Variants in DPEP3 observed in about 807,000 individuals in gnomAD.
DPEP3 encodes membrane-bound dipeptidase 3.
Under a neutral mutation model 47.5 loss-of-function variants are expected in DPEP3, and 42 were observed. That is an observed-to-expected ratio of 0.88 (90% CI 0.69 to 1.14). The LOEUF (loss-of-function observed/expected upper bound fraction) is 1.14, where lower values mean the gene tolerates loss of function less well. Ranked by LOEUF, DPEP3 falls within the 50% of genes most tolerant of loss-of-function variation. The pLI, the probability that DPEP3 is intolerant of heterozygous loss-of-function variation, is 0.00. For synonymous variants in DPEP3, 276 were observed against 270.2 expected (o/e 1.02, Z -0.21); for missense variants, 560 against 635.0 (o/e 0.88, Z 1.27).
At chr16:67,979,796 G>T in intron 1 of DPEP3, 31 bp from the exon 2 acceptor site, 3 of 1,612,106 alleles carry the variant, frequency 1.9e-6, no homozygotes, top group Non-Finnish European at 2.5e-6. Context: ...TGGAAACACC[G>T]CCTCCAGATC....
Position 67,979,678 on chromosome 16 carries a change from G to T in DPEP3, c.375C>A (p.Thr125=). The stretch of plus-strand genomic sequence containing the variant: ...GGCCGTCTCTAAGCCTGTCCAGGCT[G>T]GTCTGACCATGGCTGAAATTTCGCA... ...VNLRNFSHGQ[T]SLDRLRDGLV... The change falls in exon 2 of 10, where the codon ACC becomes ACA. Residue 125 remains threonine (T), a synonymous_variant. Transcript: ENST00000268793. 1 of 1,614,136 alleles carries T rather than the reference G, an allele frequency of 6.2e-7. No homozygotes were observed.
rs550795310 is a variant in DPEP3 at position 67,977,937 on chromosome 16, C to T, written c.756+1G>A. On this transcript the variant is annotated splice_donor_variant, in intron 5 of 9. Coordinates refer to ENST00000268793, the MANE Select transcript of DPEP3 (RefSeq NM_001370198.1). LOFTEE classifies it high-confidence loss of function. ...TTGGGGTACAAAACAGGAGTCCTCA[C>T]CTCACCAAAGCTTGTCAATCCGCTG... 7.4e-6 allele frequency: 12 copies of T among 1,613,952 alleles called. No homozygotes were observed. In the East Asian group the frequency reaches 2.7e-4, roughly 36 times the overall value.
Position 67,978,269 on chromosome 16 carries a change from T to G in DPEP3, c.684A>C (p.Pro228=). The change falls in exon 4 of 10, where the codon CCA becomes CCC. Residue 228 remains proline, a splice_region_variant and synonymous_variant. Coordinates refer to ENST00000268793, the MANE Select transcript of DPEP3 (RefSeq NM_001370198.1). This position sits in a 1 kb window ranked among gnomAD's most constrained non-coding sequence, Gnocchi z 4.4. ...YLTLTFTCST[P]WAESSTKFRH... Reference sequence around the variant, plus strand: ...TCCTGGCCAGGTGTTATGCTCACCATGGTGTACTGCAGGTGAAGGTAAGTG... The same window carrying G: ...TCCTGGCCAGGTGTTATGCTCACCAGGGTGTACTGCAGGTGAAGGTAAGTG... 1 of 1,614,170 alleles carries G rather than the reference T, an allele frequency of 6.2e-7. No individual in the cohort carries two copies. Among genetic ancestry groups the G allele is most frequent in the Non-Finnish European group, 8.5e-7 (1 of 1,180,012 alleles).
rs2031206140 is a variant in DPEP3, at chr16:67,976,780, G to A, written c.1019-5C>T. 1 of 1,613,654 alleles carries A rather than the reference G, an allele frequency of 6.2e-7. No homozygotes were observed. Among genetic ancestry groups the A allele is most frequent in the Non-Finnish European group, 8.5e-7 (1 of 1,179,796 alleles). ...CCCTGATGTGGTCAAAGTGATCTAG[G>A]GTGGAGGTGAGGGTGGGCAGCACTA... is the stretch of plus-strand genomic sequence containing the variant. On this transcript the variant is annotated splice_region_variant and splice_polypyrimidine_tract_variant and intron_variant, in intron 7 of 9. Transcript: ENST00000268793.
intron 7 of DPEP3, 137 bp from the exon 8 acceptor site, chr16:67,976,912 G>A: frequency 1.4e-6 from 1 of 733,712 alleles, no homozygotes; most frequent in Non-Finnish European, 2.3e-6. Flanking sequence ...GCGGGTACAG[G>A]CTGGTCACTG....
At chr16:67,977,460 T>G (rs2031222137) in intron 6 of DPEP3, 106 bp from the exon 7 acceptor site, 6 of 1,315,694 alleles carry the variant, frequency 4.6e-6, no homozygotes, top group Non-Finnish European at 6.4e-6. Context: ...CTTCAGGGGT[T>G]GGAAGAGGCT....
At chr16:67,977,142 C>T (rs1050543473) in intron 7 of DPEP3, 128 bp downstream of exon 7, 13 of 767,698 alleles carry the variant, frequency 1.7e-5, no homozygotes, top group South Asian at 3.3e-5. Context: ...AGAGCTGTGT[C>T]TGCTGCCTCT....
Position 67,980,292 on chromosome 16 carries a change from CGCAGCA to C in DPEP3, c.83_88del (p.Leu28_Leu29del), listed in dbSNP as rs756554852. ...GGTCTCCGCGCGGGTTACGGGCTGC[CGCAGCA>C]GCAGCAGCAGTAGCAGGAGCAGCAG... is the stretch of plus-strand genomic sequence containing the variant. On this transcript the variant is annotated inframe_deletion, in exon 1 of 10. Transcript: ENST00000268793. 4 of 1,574,626 alleles carry C rather than the reference CGCAGCA, an allele frequency of 2.5e-6. No individual in the cohort carries two copies. In the East Asian group the frequency reaches 9.3e-5, roughly 37 times the overall value.
Position 67,978,526 on chromosome 16 carries a change from G to A in DPEP3, c.515C>T (p.Ser172Phe). ...DLIHRMCASYSELELVTSAEG... is the reference protein window; with the variant it reads ...DLIHRMCASYFELELVTSAEG... ...AGCTGAGGTCACAAGCTCGAGTTCA[G>A]AGTAGGAGGCACACATGCGGTGAAT... The change falls in exon 3 of 10, where the codon TCT (serine) becomes TTT (phenylalanine). Residue 172 changes from serine to phenylalanine, a missense_variant. Transcript: ENST00000268793. This position sits in a 1 kb window ranked among gnomAD's most constrained non-coding sequence, Gnocchi z 4.4. The A allele has an allele frequency of 1.9e-6, 3 of 1,614,132 alleles. No individual in the cohort carries two copies. The highest frequency in any genetic ancestry group is 2.5e-6 in the Non-Finnish European group (3 of 1,179,996).
At position 67,979,771 on chromosome 16, in the gene DPEP3, GGT is replaced by G; in HGVS notation, c.288-8_288-7del. The G allele has an allele frequency of 6.2e-7, 1 of 1,613,630 alleles. No individual in the cohort carries two copies. Among genetic ancestry groups the G allele is most frequent in the Non-Finnish European group, 8.5e-7 (1 of 1,179,800 alleles). On this transcript the variant is annotated splice_polypyrimidine_tract_variant and splice_region_variant and intron_variant, in intron 1 of 9. Coordinates refer to ENST00000268793, the MANE Select transcript of DPEP3 (RefSeq NM_001370198.1). ...CCTGGGGCAGGTCATTGTGGCTGGG[GGT>G]GTGAAGGTCAGATGGAAACACCGCC...
intron 6 of DPEP3, 107 bp from the exon 7 acceptor site, chr16:67,977,461 G>T: frequency 1.5e-6 from 2 of 1,313,148 alleles, no homozygotes; most frequent in Non-Finnish European, 1.1e-6. Context: ...TTCAGGGGTT[G>T]GAAGAGGCTT....
Position 67,978,114 on chromosome 16 carries a change from A to G in DPEP3, c.687-107T>C. ...ATCCTGCTTCCAGAACAGGTGCAGAACCAGCTGCTTTCTGGGATTGTGAGG... is the reference window on the plus strand; with the variant it reads ...ATCCTGCTTCCAGAACAGGTGCAGAGCCAGCTGCTTTCTGGGATTGTGAGG... On this transcript the variant is annotated intron_variant, in intron 4 of 9. Coordinates refer to ENST00000268793, the MANE Select transcript of DPEP3 (RefSeq NM_001370198.1). This position sits in a 1 kb window ranked among gnomAD's most constrained non-coding sequence, Gnocchi z 4.4. The G allele has an allele frequency of 1.9e-6, 3 of 1,574,172 alleles. No homozygotes were observed. Among genetic ancestry groups the G allele is most frequent in the South Asian group, 2.2e-5 (2 of 89,776 alleles).
chr16:67,977,872 G>C, intron 5 of DPEP3, 43 bp from the exon 6 acceptor site: 1 of 1,613,836 alleles, frequency 6.2e-7, no homozygotes. Context: ...GGGTGTTGGG[G>C]TGCAAAGGTG....
rs769592394 is a variant in DPEP3 at position 67,977,968 on chromosome 16, G to A, written c.726C>T (p.Thr242=). The A allele has an allele frequency of 1.2e-6, 2 of 1,613,854 alleles. No individual in the cohort carries two copies. Among genetic ancestry groups the A allele is most frequent in the Non-Finnish European group, 1.7e-6 (2 of 1,179,894 alleles). The part of the protein sequence containing the change: ...SSTKFRHHMY[T]NVSGLTSFGE... ...CAAAGCTTGTCAATCCGCTGACGTT[G>A]GTGTACATGTGGTGTCTGAACTTGG... Residue 242 remains threonine, a synonymous_variant, in exon 5 of 10, where the codon ACC becomes ACT. Coordinates refer to ENST00000268793, the MANE Select transcript of DPEP3 (RefSeq NM_001370198.1).
In DPEP3 at chr16:67,975,977, T is replaced by C. The variant is rs1298768900; in HGVS notation, c.1255A>G (p.Ser419Gly). The C allele has an allele frequency of 1.9e-6, 3 of 1,613,862 alleles. No individual in the cohort carries two copies. In the African/African-American group the frequency reaches 4.0e-5, roughly 22 times the overall value. ...EKVREESRAQSPVEAEFPYGQ... is the reference protein window; with the variant it reads ...EKVREESRAQGPVEAEFPYGQ... ...TATGGAAACTCAGCCTCCACGGGGC[T>C]CTGCGCCCTGCTCTCCTCTCTCACC... is the stretch of plus-strand genomic sequence containing the variant. The change falls in exon 10 of 10, where the codon AGC (serine) becomes GGC (glycine). Residue 419 changes from serine (S) to glycine (G), a missense_variant. Transcript: ENST00000268793.
Position 67,980,370 on chromosome 16 carries a change from G to T in DPEP3, c.11C>A (p.Thr4Lys). 6.5e-7 allele frequency: 1 copy of T among 1,538,806 alleles called. No individual in the cohort carries two copies. Among genetic ancestry groups the T allele is most frequent in the Non-Finnish European group, 8.8e-7 (1 of 1,142,070 alleles). ...GAGCGCGCGGGAACCCTCGCGGCCC[G>T]TGGGCTGCATGTTGCGCGGGGGTCG... MQP[T>K]GREGSRALSR... The change falls in exon 1 of 10, where the codon ACG becomes AAG. Residue 4 changes from threonine (T) to lysine (K), a missense_variant. Coordinates refer to ENST00000268793, the MANE Select transcript of DPEP3 (RefSeq NM_001370198.1).
Position 67,976,811 on chromosome 16 carries a change from G to A in DPEP3, c.1019-36C>T, listed in dbSNP as rs368693895. On this transcript the variant is annotated intron_variant, in intron 7 of 9. Coordinates refer to ENST00000268793, the MANE Select transcript of DPEP3 (RefSeq NM_001370198.1). Reference sequence around the variant, plus strand: ...GGTGAGGGTGGGCAGCACTAGGCTAGTTAGACCCTGGCACCAGCCCTGTCC... The same window carrying A: ...GGTGAGGGTGGGCAGCACTAGGCTAATTAGACCCTGGCACCAGCCCTGTCC... 1.6e-5 allele frequency: 25 copies of A among 1,583,738 alleles called. No individual in the cohort carries two copies. The African/African-American group carries it at 3.1e-4, about 20-fold the overall frequency.
chr16:67,977,178 C>A (rs1598243315), intron 7 of DPEP3, 92 bp downstream of exon 7: 2 of 1,188,898 alleles, frequency 1.7e-6, no homozygotes, highest in South Asian at 2.7e-5. Flanking sequence ...CTGCCCATTG[C>A]CCAACAGGTG....
chr16:67,975,846 C>A lies in DPEP3; in HGVS notation c.1386G>T (p.Arg462Ser). The change falls in exon 10 of 10, where the codon AGG (arginine) becomes AGT (serine). Residue 462 changes from arginine (R) to serine (S), a missense_variant. By Grantham distance (110) the Arg-to-Ser change is moderately radical. Transcript: ENST00000268793. ...TKQPTNRVPW[R>S]SSNASPYLVP... Reference sequence around the variant, plus strand: ...CAAGGTATGGGGAGGCATTTGAGGACCTCCAGGGGACCCGATTGGTTGGCT... The same window carrying A: ...CAAGGTATGGGGAGGCATTTGAGGAACTCCAGGGGACCCGATTGGTTGGCT... The A allele has an allele frequency of 6.2e-7, 1 of 1,613,914 alleles. No individual in the cohort carries two copies. Among genetic ancestry groups the A allele is most frequent in the Non-Finnish European group, 8.5e-7 (1 of 1,179,864 alleles).
Sources: allele counts gnomAD v4.1 joint callset, GRCh38; gene constraint gnomAD v4.1.1; non-coding constraint Gnocchi (gnomAD v3.1); transcripts MANE v1.5; gene names NCBI Gene and HGNC (gene_info 2026-07-23, HGNC 2026-07-21).